Variants in EVC2 observed in about 807,000 individuals in gnomAD.
EVC2 encodes limbin.
Under a neutral mutation model 149.3 loss-of-function variants are expected in EVC2, and 148 were observed. The observed-to-expected ratio is 0.99, with a 90% CI of 0.87 to 1.14. The LOEUF is 1.14. Ranked by LOEUF, EVC2 falls within the 50% of genes most tolerant of loss-of-function variation. EVC2 has a pLI of 0.00. For synonymous variants in EVC2, 776 were observed against 649.9 expected (o/e 1.19, Z -2.95); for missense variants, 1,854 against 1,627.3 (o/e 1.14, Z -2.40).
At chr4:5,611,365 G>A (rs1714808860) in intron 16 of EVC2, among the ~76,000 whole-genome samples, 1 of 152,112 alleles carries the variant, frequency 6.6e-6, no homozygotes, top group Admixed American at 6.5e-5. Context: ...TATCTGACAG[G>A]AATTTGATAG....
intron 21 of EVC2, among the ~76,000 whole-genome samples, chr4:5,553,071 G>T (rs534187779): frequency 3.0e-4 from 45 of 152,240 alleles, no homozygotes; most frequent in African/African-American, 1.1e-3. Flanking sequence ...CCCGAGACTG[G>T]GTAATTTATA....
In EVC2 at chr4:5,563,085, T is replaced by C. The variant is rs1419094871; in HGVS notation, c.3690A>G (p.Arg1230=). 6.2e-7 allele frequency: 1 copy of C among 1,613,916 alleles called. No individual in the cohort carries two copies. Among genetic ancestry groups the C allele is most frequent in the Admixed American group, 1.7e-5 (1 of 60,018 alleles). Residue 1230 remains arginine, a synonymous_variant, in exon 22 of 22, where the codon AGA becomes AGG. Transcript: ENST00000344408. ...CTTTTCCAGAGAATATCATCCTCTC[T>C]CTGAGAGGGAGACATGTCTTCTTTA... ...SILKKTCLPL[R]ERMIFSGKGS...
intron 20 of EVC2, among the ~76,000 whole-genome samples, chr4:5,565,906 G>A (rs191270296): frequency 4.6e-5 from 7 of 152,294 alleles, no homozygotes; most frequent in Admixed American, 3.3e-4. Flanking sequence ...GACGGGTTGG[G>A]GGAGTCATTT....
intron 7 of EVC2, among the ~76,000 whole-genome samples, chr4:5,678,515 T>C (rs114094046): frequency 0.011 from 1,614 of 152,332 alleles, 30 homozygotes; most frequent in African/African-American, 0.036. Context: ...ACTACAGGCA[T>C]GCATCACCTA....
At chr4:5,595,652 T>C (rs1441992378) in intron 16 of EVC2, among the ~76,000 whole-genome samples, 1 of 152,126 alleles carries the variant, frequency 6.6e-6, no homozygotes. Flanking sequence ...AGGAAGAAAC[T>C]GCATCAACTA....
intron 21 of EVC2, among the ~76,000 whole-genome samples, chr4:5,544,308 T>C (rs1388589462): frequency 2.0e-5 from 3 of 151,850 alleles, no homozygotes; most frequent in Non-Finnish European, 4.4e-5. Context: ...AGTTGTCAAA[T>C]AGTGGATCAA....
rs1426271985 is a variant in EVC2, at chr4:5,677,199, A to G, written c.870+4061T>C. On this transcript the variant is annotated intron_variant, in intron 7 of 21. Transcript: ENST00000344408. This position sits in a 1 kb window ranked among gnomAD's most constrained non-coding sequence, Gnocchi z 4.3. ...ATTTACCTCAACAACCATCCTATGA[A>G]GTGAACGTTGTTATTACTCTCATTT... Among the ~76,000 whole-genome samples the G allele has an allele frequency of 6.6e-6, 1 of 152,146 alleles. No homozygotes were observed. Among genetic ancestry groups the G allele is most frequent in the Non-Finnish European group, 1.5e-5 (1 of 68,020 alleles).
chr4:5,557,819 C>T (rs1186697825), downstream of EVC2, among the ~76,000 whole-genome samples: 6 of 151,970 alleles, frequency 3.9e-5, no homozygotes, highest in South Asian at 2.1e-4. Flanking sequence ...TAAAATACCA[C>T]CAAATTAATA....
At chr4:5,630,988 G>T (rs922014778) in intron 11 of EVC2, among the ~76,000 whole-genome samples, 1 of 152,190 alleles carries the variant, frequency 6.6e-6, no homozygotes, top group Non-Finnish European at 1.5e-5. Flanking sequence ...GTCACTGTGT[G>T]TGCCTGTGTG....
intron 9 of EVC2, among the ~76,000 whole-genome samples, chr4:5,641,220 C>T (rs1189507010): frequency 6.6e-6 from 1 of 152,096 alleles, no homozygotes; most frequent in East Asian, 1.9e-4. Flanking sequence ...ATGACTAGTA[C>T]ATGTAATGTC....
chr4:5,679,489 C>G lies in EVC2; in HGVS notation c.870+1771G>C, dbSNP rs6446390. ...CTGGCTTCAAGTGATCAGCCCACCT[C>G]AGCCTCCCAAAGTACTGAGATTACA... On this transcript the variant is annotated intron_variant, in intron 7 of 21. Coordinates refer to ENST00000344408, the MANE Select transcript of EVC2 (RefSeq NM_147127.5). This position sits in a 1 kb window ranked among gnomAD's most constrained non-coding sequence, Gnocchi z 5.1. 0.36 allele frequency among the ~76,000 whole-genome samples: 54,785 copies of G among 152,016 alleles called. 10,106 individuals carry two copies. The highest frequency in any genetic ancestry group is 0.43 in the African/African-American group (17,928 of 41,436).
At chr4:5,691,861 C>T (rs1721141939) in intron 3 of EVC2, among the ~76,000 whole-genome samples, 1 of 152,182 alleles carries the variant, frequency 6.6e-6, no homozygotes, top group Non-Finnish European at 1.5e-5. Context: ...CAAAGGAAAG[C>T]CAGGGCTCAT....
At chr4:5,550,242 A>G (rs1299900906) in intron 21 of EVC2, among the ~76,000 whole-genome samples, 1 of 152,222 alleles carries the variant, frequency 6.6e-6, no homozygotes, top group Non-Finnish European at 1.5e-5. Context: ...AGAAGAAGAC[A>G]GGAAAATGTG....
intron 1 of EVC2, among the ~76,000 whole-genome samples, chr4:5,699,802 G>A (rs1214585032): frequency 6.6e-6 from 1 of 151,922 alleles, no homozygotes; most frequent in Non-Finnish European, 1.5e-5. Context: ...CAGCCCAGAA[G>A]ACGAAGTGAG....
At chr4:5,685,334 G>A in intron 6 of EVC2, 36 bp downstream of exon 6, 3 of 1,583,894 alleles carry the variant, frequency 1.9e-6, no homozygotes, top group Non-Finnish European at 2.6e-6. Flanking sequence ...TCTCTTGGCA[G>A]TGGCAAGACA....
intron 16 of EVC2, among the ~76,000 whole-genome samples, chr4:5,595,831 A>G (rs376716064): frequency 7.2e-5 from 11 of 152,218 alleles, no homozygotes; most frequent in South Asian, 2.1e-4. Flanking sequence ...CCCATCTCAC[A>G]TGCAGAGACA....
intron 9 of EVC2, among the ~76,000 whole-genome samples, chr4:5,662,154 C>A (rs558367065): frequency 2.4e-4 from 37 of 152,250 alleles, no homozygotes; most frequent in African/African-American, 8.7e-4. Flanking sequence ...TCACCAAACG[C>A]ACCTTGCTCC....
At chr4:5,689,781 C>T (rs1334644182) in intron 4 of EVC2, among the ~76,000 whole-genome samples, 1 of 152,196 alleles carries the variant, frequency 6.6e-6, no homozygotes, top group Non-Finnish European at 1.5e-5. Flanking sequence ...TGCTCGTCCG[C>T]CTCTTGGATC....
In EVC2 at chr4:5,567,753, G is replaced by A. The variant is rs1577098533; in HGVS notation, c.3557+691C>T. Among the ~76,000 whole-genome samples, 1 of 152,140 alleles carries A rather than the reference G, an allele frequency of 6.6e-6. No individual in the cohort carries two copies. The highest frequency in any genetic ancestry group is 6.6e-5 in the Admixed American group (1 of 15,260). ...GGCCCAAACTGAATGTCAAGTGACGGGATGACAGTTACATGCTCTATGCTA... is the reference window on the plus strand; with the variant it reads ...GGCCCAAACTGAATGTCAAGTGACGAGATGACAGTTACATGCTCTATGCTA... On this transcript the variant is annotated intron_variant, in intron 20 of 21. Transcript: ENST00000344408. The surrounding 1 kb of genome is among the most constrained non-coding windows in gnomAD (Gnocchi z 4.4).
Sources: gnomAD v4.1 joint callset for allele counts (sites outside exome capture counted in the v4.1 genomes callset) on GRCh38, gnomAD v4.1.1 for gene constraint, Gnocchi (gnomAD v3.1) non-coding constraint, MANE v1.5 for transcripts, NCBI Gene and HGNC (gene_info 2026-07-23, HGNC 2026-07-21) for gene names.